TANC2: variants seen among roughly 807,000 people sequenced by gnomAD.
The protein encoded by TANC2 is protein TANC2.
Under a neutral mutation model 210.5 loss-of-function variants are expected in TANC2, and 26 were observed. The ratio of observed to expected loss-of-function variants is 0.12; its 90% CI spans 0.09 to 0.17. TANC2 has a LOEUF of 0.17. TANC2 is among the 10% of genes least tolerant of loss of function. The pLI, the probability that TANC2 is intolerant of heterozygous loss-of-function variation, is 1.00. For synonymous variants in TANC2, 931 were observed against 967.1 expected (o/e 0.96, Z 0.69); for missense variants, 2,129 against 2,608.9 (o/e 0.82, Z 4.01).
At chr17:63,068,066 C>G (rs546292204) in intron 2 of TANC2, among the ~76,000 whole-genome samples, 1 of 152,078 alleles carries the variant, frequency 6.6e-6, no homozygotes, top group Admixed American at 6.5e-5. Context: ...GAAAGCAGCC[C>G]GAGAGAAATA....
At chr17:63,035,457 A>G (rs956351871) in intron 2 of TANC2, among the ~76,000 whole-genome samples, 1 of 152,184 alleles carries the variant, frequency 6.6e-6, no homozygotes, top group Non-Finnish European at 1.5e-5. Flanking sequence ...ATGCCTGTGT[A>G]TGACCTTTGA....
At chr17:63,027,534 G>GA in intron 2 of TANC2, among the ~76,000 whole-genome samples, 1 of 151,418 alleles carries the variant, frequency 6.6e-6, no homozygotes, top group South Asian at 2.1e-4. Context: ...TTATTTCAAA[G>GA]AAAAAAAACC....
chr17:63,067,249 A>C (rs1437664983), intron 2 of TANC2, among the ~76,000 whole-genome samples: 1 of 152,212 alleles, frequency 6.6e-6, no homozygotes, highest in East Asian at 1.9e-4. Flanking sequence ...GCAATTTGCA[A>C]GGGAAAAGAC....
At chr17:63,225,830 G>A (rs2042313535) in intron 7 of TANC2, among the ~76,000 whole-genome samples, 1 of 152,096 alleles carries the variant, frequency 6.6e-6, no homozygotes, top group Non-Finnish European at 1.5e-5. Flanking sequence ...TCTGACACAG[G>A]AGATCATGAA....
chr17:63,204,598 T>TA (rs1056459225), intron 7 of TANC2, among the ~76,000 whole-genome samples: 71 of 142,176 alleles, frequency 5.0e-4, no homozygotes, highest in Admixed American at 8.5e-4. Flanking sequence ...ACTCTGTTTC[T>TA]AAAAAAAAAA....
chr17:63,206,955 T>C (rs2041733970), intron 7 of TANC2, among the ~76,000 whole-genome samples: 1 of 152,142 alleles, frequency 6.6e-6, no homozygotes, highest in Non-Finnish European at 1.5e-5. Context: ...AATAAGAATA[T>C]AGCAAATACC....
chr17:63,025,687 T>C (rs1185922234), intron 2 of TANC2, among the ~76,000 whole-genome samples: 1 of 151,856 alleles, frequency 6.6e-6, no homozygotes, highest in African/African-American at 2.4e-5. Flanking sequence ...TCCCAGCTAC[T>C]TGGGAGGCTG....
At chr17:63,216,616 G>A (rs2042033822) in intron 7 of TANC2, among the ~76,000 whole-genome samples, 2 of 152,194 alleles carry the variant, frequency 1.3e-5, no homozygotes, top group African/African-American at 4.8e-5. Flanking sequence ...TGTGGAGTCT[G>A]TGCTAACTCT....
intron 6 of TANC2, among the ~76,000 whole-genome samples, chr17:63,195,143 C>T (rs1196278182): frequency 6.6e-6 from 1 of 152,100 alleles, no homozygotes; most frequent in Non-Finnish European, 1.5e-5. Flanking sequence ...AGCCTCACTC[C>T]TTAGGTTATT....
At chr17:63,085,476 CTTT>C (rs35672537) in intron 3 of TANC2, among the ~76,000 whole-genome samples, 1 of 91,050 alleles carries the variant, frequency 1.1e-5, no homozygotes, top group Non-Finnish European at 2.3e-5. Flanking sequence ...TATATCACTT[CTTT>C]TTTCACCTTT....
chr17:63,079,633 C>T (rs999779410), intron 3 of TANC2, among the ~76,000 whole-genome samples: 1 of 152,160 alleles, frequency 6.6e-6, no homozygotes, highest in African/African-American at 2.4e-5. Flanking sequence ...CTGTAGACAG[C>T]TGATCCCCAT....
chr17:63,146,902 A>G (rs2039479412), intron 4 of TANC2, among the ~76,000 whole-genome samples: 2 of 152,166 alleles, frequency 1.3e-5, no homozygotes, highest in Admixed American at 1.3e-4. Flanking sequence ...ATTAGTGAGT[A>G]TAGATAGTAT....
rs1331326401 is a variant in TANC2, at chr17:63,065,314, A to G, written c.68-8629A>G. Among the ~76,000 whole-genome samples the G allele has an allele frequency of 3.9e-5, 6 of 152,208 alleles. No homozygotes were observed. In the East Asian group the frequency reaches 1.2e-3, roughly 29 times the overall value. Reference sequence around the variant, plus strand: ...TTTATCCATTCATTGGTTGATGAACACTTAGGTTGATTCCATATCTCTTGG... The same window carrying G: ...TTTATCCATTCATTGGTTGATGAACGCTTAGGTTGATTCCATATCTCTTGG... On this transcript the variant is annotated intron_variant, in intron 2 of 27. Coordinates refer to ENST00000689528, the Ensembl canonical transcript of TANC2.
At chr17:63,037,196 A>G (rs920305964) in intron 2 of TANC2, among the ~76,000 whole-genome samples, 1 of 152,118 alleles carries the variant, frequency 6.6e-6, no homozygotes, top group Non-Finnish European at 1.5e-5. Context: ...AGCATATCCA[A>G]ACGACTAACG....
In TANC2 at chr17:63,358,370, AGAG is replaced by A. The variant is rs1274200812; in HGVS notation, c.2582+2981_2582+2983del. ...AGTAGAGTGAGAGAGAGAGAGAGAG[AGAG>A]AGAGTATGTGTGTGTGTGTGTGTGT... is the stretch of plus-strand genomic sequence containing the variant. On this transcript the variant is annotated intron_variant, in intron 14 of 27. Coordinates refer to ENST00000689528, the Ensembl canonical transcript of TANC2. Among the ~76,000 whole-genome samples, 294 of 127,952 alleles carry A rather than the reference AGAG, an allele frequency of 2.3e-3. 1 individual carries two copies. Among genetic ancestry groups the A allele is most frequent in the African/African-American group, 9.0e-3 (281 of 31,168 alleles). The allele number at this position is 127,952 out of a possible 152,430, so 83.9% of individuals were successfully genotyped here.
intron 19 of TANC2, among the ~76,000 whole-genome samples, chr17:63,400,538 ATTGTG>A (rs1599038016): frequency 1.3e-5 from 2 of 152,270 alleles, no homozygotes; most frequent in South Asian, 4.1e-4. Context: ...TGTAATCAGA[ATTGTG>A]TTGTGTTTGA....
chr17:63,384,836 TTAAAGG>T (rs2047727340), intron 15 of TANC2, among the ~76,000 whole-genome samples: 1 of 152,338 alleles, frequency 6.6e-6, no homozygotes, highest in East Asian at 1.9e-4. Flanking sequence ...TGGTTTGGAA[TTAAAGG>T]TAAAGGGAGA....
intron 3 of TANC2, among the ~76,000 whole-genome samples, chr17:63,086,586 T>C (rs2036974464): frequency 6.6e-6 from 1 of 152,206 alleles, no homozygotes; most frequent in Non-Finnish European, 1.5e-5. Context: ...TTCTTGCATG[T>C]TATCTACTTT....
chr17:63,319,191 G>A, intron 11 of TANC2, 101 bp downstream of exon 11: 3 of 1,201,992 alleles, frequency 2.5e-6, no homozygotes, highest in East Asian at 2.6e-5. Flanking sequence ...AATACGTAAA[G>A]CTATACCATG....
Sources: allele counts gnomAD v4.1 joint callset (sites outside exome capture counted in the v4.1 genomes callset), GRCh38; gene constraint gnomAD v4.1.1; transcripts MANE v1.5; gene names NCBI Gene and HGNC (gene_info 2026-07-23, HGNC 2026-07-21).